The following CFAP58 variants were observed in gnomAD, a reference collection of about 807,000 sequenced individuals.
The protein encoded by CFAP58 is cilia- and flagella-associated protein 58.
A neutral mutation model predicts 119.5 loss-of-function variants in CFAP58; 88 were observed. That is an observed-to-expected ratio of 0.74 (90% CI 0.62 to 0.88). CFAP58 has a LOEUF of 0.88. CFAP58 is among the 40% of genes least tolerant of loss of function. CFAP58 has a pLI of 0.00. For synonymous variants in CFAP58, 365 were observed against 366.3 expected, an observed-to-expected ratio of 1.00 and a Z score of 0.04; for missense variants, 990 against 1,021.2, an observed-to-expected ratio of 0.97 and a Z score of 0.42.
At chr10:104,443,456 A>C (rs2013070149) in intron 15 of CFAP58, among the ~76,000 whole-genome samples, 1 of 152,176 alleles carries the variant, frequency 6.6e-6, no homozygotes, top group Non-Finnish European at 1.5e-5. Flanking sequence ...TCACAGAGTG[A>C]GGTGATTCTT....
chr10:104,426,433 C>A (rs2012746909), intron 15 of CFAP58, among the ~76,000 whole-genome samples: 4 of 151,916 alleles, frequency 2.6e-5, no homozygotes, highest in African/African-American at 9.7e-5. Flanking sequence ...CTCCTTCCCC[C>A]CGCCGCCTTC....
At chr10:104,421,639 A>T (rs753304138) in intron 15 of CFAP58, among the ~76,000 whole-genome samples, 33 of 152,234 alleles carry the variant, frequency 2.2e-4, no homozygotes, top group Admixed American at 1.3e-3. Context: ...GGTGGTATCC[A>T]TAGTGATTAG....
chr10:104,407,330 A>G lies in CFAP58; in HGVS notation c.2256+537A>G, dbSNP rs1387329751. ...CCTCACTGCCATCATCATCATCATC[A>G]TCATCACTTACTGCATGCCAGATAT... is the stretch of plus-strand genomic sequence containing the variant. On this transcript the variant is annotated intron_variant, in intron 15 of 17. Transcript: ENST00000369704. 4.6e-5 allele frequency among the ~76,000 whole-genome samples: 7 copies of G among 152,180 alleles called. No individual in the cohort carries two copies. The East Asian group carries it at 1.3e-3, about 29-fold the overall frequency.
At position 104,447,688 on chromosome 10, in the gene CFAP58, T is replaced by C; in HGVS notation, c.2257-10T>C. On this transcript the variant is annotated splice_polypyrimidine_tract_variant and intron_variant, in intron 15 of 17. Transcript: ENST00000369704. ...TGTTTATCTCTGCTCCTGGTTCTGC[T>C]CTCCACTAGGAAAAGGAGAAACTCT... The C allele has an allele frequency of 2.5e-6, 4 of 1,613,534 alleles. No homozygotes were observed. The highest frequency in any genetic ancestry group is 3.4e-6 in the Non-Finnish European group (4 of 1,179,760).
chr10:104,353,821 A>G, upstream of CFAP58: 1 of 1,550,000 alleles, frequency 6.5e-7, no homozygotes, highest in Non-Finnish European at 8.8e-7. Flanking sequence ...TCGCGCCTTT[A>G]GCTTCTTTCC....
intron 15 of CFAP58, among the ~76,000 whole-genome samples, chr10:104,440,023 C>T (rs1000416562): frequency 3.9e-5 from 6 of 152,122 alleles, no homozygotes; most frequent in Admixed American, 3.9e-4. Flanking sequence ...GGGGTTTCAC[C>T]GTGTTAGCCA....
At chr10:104,340,313 T>A in the CFAP58 span, among the ~76,000 whole-genome samples, 18 of 152,200 alleles carry the variant, frequency 1.2e-4, no homozygotes, top group African/African-American at 3.9e-4. Flanking sequence ...TTGCATGATA[T>A]GCTTTTTCTC....
At position 104,365,891 on chromosome 10, in the gene CFAP58, C is replaced by G; in HGVS notation, c.675C>G (p.Leu225=). Residue 225 remains leucine (L), a synonymous_variant, in exon 5 of 18, where the codon CTC becomes CTG. Transcript: ENST00000369704. The stretch of plus-strand genomic sequence containing the variant: ...AGAAGGAAAAACTAGAGAAAGAGCT[C>G]AAGCAGATTCAGGCAGACATGGACA... The part of the protein sequence containing the change: ...FRKKEKLEKE[L]KQIQADMDSR... 1 of 1,613,404 alleles carries G rather than the reference C, an allele frequency of 6.2e-7. No homozygotes were observed. The highest frequency in any genetic ancestry group is 8.5e-7 in the Non-Finnish European group (1 of 1,179,750).
In CFAP58 at chr10:104,364,837, A is replaced by G. The variant is rs747114499; in HGVS notation, c.545A>G (p.Gln182Arg). 6.2e-7 allele frequency: 1 copy of G among 1,612,552 alleles called. No individual in the cohort carries two copies. Among genetic ancestry groups the G allele is most frequent in the East Asian group, 2.2e-5 (1 of 44,724 alleles). The change falls in exon 4 of 18, where the codon CAG becomes CGG. Residue 182 changes from glutamine (Q) to arginine (R), a missense_variant. Coordinates refer to ENST00000369704, the MANE Select transcript of CFAP58 (RefSeq NM_001008723.2). ...LRESLAQTTE[Q>R]QQETERSKEE... ...GAATCCCTAGCTCAGACCACTGAACAGCAGCAGGAAACAGAGCGATCAAAA... is the reference window on the plus strand; with the variant it reads ...GAATCCCTAGCTCAGACCACTGAACGGCAGCAGGAAACAGAGCGATCAAAA...
At position 104,417,617 on chromosome 10, in the gene CFAP58, G is replaced by A. The variant is rs911135690; in HGVS notation, c.2256+10824G>A. 2.6e-5 allele frequency among the ~76,000 whole-genome samples: 4 copies of A among 152,214 alleles called. No individual in the cohort carries two copies. The East Asian group carries it at 7.7e-4, about 29-fold the overall frequency. ...CAATCCTTGGTCCTGTTTGATGGTA[G>A]CACAGATAGATTTGGTGGAAGCTAC... is the stretch of plus-strand genomic sequence containing the variant. On this transcript the variant is annotated intron_variant, in intron 15 of 17. Coordinates refer to ENST00000369704, the MANE Select transcript of CFAP58 (RefSeq NM_001008723.2).
intron 15 of CFAP58, among the ~76,000 whole-genome samples, chr10:104,411,049 C>T (rs1194466859): frequency 6.6e-6 from 1 of 152,134 alleles, no homozygotes; most frequent in Non-Finnish European, 1.5e-5. Context: ...AAGCGATTCT[C>T]CTGCCTCAGC....
intron 2 of CFAP58, among the ~76,000 whole-genome samples, chr10:104,360,380 G>C (rs1454133882): frequency 6.6e-6 from 1 of 151,966 alleles, no homozygotes; most frequent in Non-Finnish European, 1.5e-5. Context: ...CTTCTTGGGA[G>C]GCCTCAGGAA....
chr10:104,357,849 A>G (rs1457386480), intron 1 of CFAP58, among the ~76,000 whole-genome samples: 1 of 42,608 alleles, frequency 2.3e-5, no homozygotes, highest in African/African-American at 9.8e-5. Context: ...ACATATGTAC[A>G]CATATATACA....
Position 104,392,296 on chromosome 10 carries a change from A to G in CFAP58, c.1429A>G (p.Ile477Val), listed in dbSNP as rs1564889515. Residue 477 changes from isoleucine (I) to valine (V), a missense_variant, in exon 10 of 18, where the codon ATA becomes GTA. Physicochemically the swap from Ile to Val is conservative, Grantham distance 29 (BLOSUM62 3). Coordinates refer to ENST00000369704, the MANE Select transcript of CFAP58 (RefSeq NM_001008723.2). Reference protein sequence around the residue: ...ETQIFDYRKKIAESEIKLKQQ... With the variant: ...ETQIFDYRKKVAESEIKLKQQ... ...ACAGATTTTTGACTACAGGAAAAAA[A>G]TAGCTGAATCAGAGATTAAATTAAA... 3 of 1,613,294 alleles carry G rather than the reference A, an allele frequency of 1.9e-6. No homozygotes were observed. The highest frequency in any genetic ancestry group is 2.2e-5 in the East Asian group (1 of 44,836).
chr10:104,380,620 A>T lies in CFAP58; in HGVS notation c.1365+400A>T, dbSNP rs146421409. Among the ~76,000 whole-genome samples the T allele has an allele frequency of 5.3e-5, 8 of 152,268 alleles. No homozygotes were observed. The East Asian group carries it at 1.5e-3, about 29-fold the overall frequency. On this transcript the variant is annotated intron_variant, in intron 9 of 17. Coordinates refer to ENST00000369704, the MANE Select transcript of CFAP58 (RefSeq NM_001008723.2). Reference sequence around the variant, plus strand: ...CCCTCAGGGAAAGGACTCCAACTTGATGTTAGGAGAAAAGCATCTAATTAA... The same window carrying T: ...CCCTCAGGGAAAGGACTCCAACTTGTTGTTAGGAGAAAAGCATCTAATTAA...
At chr10:104,431,346 A>G (rs1036160165) in intron 15 of CFAP58, among the ~76,000 whole-genome samples, 4 of 152,238 alleles carry the variant, frequency 2.6e-5, no homozygotes, top group African/African-American at 7.2e-5. Flanking sequence ...TAAAGTACAT[A>G]CAAGAAACAT....
At chr10:104,357,870 C>T (rs1268049067) in intron 1 of CFAP58, among the ~76,000 whole-genome samples, 1 of 124,514 alleles carries the variant, frequency 8.0e-6, no homozygotes, top group South Asian at 2.4e-4. Flanking sequence ...CATATATACA[C>T]ATATATGTAC....
intron 12 of CFAP58, among the ~76,000 whole-genome samples, chr10:104,400,367 G>A (rs1442400709): frequency 2.0e-5 from 3 of 152,050 alleles, no homozygotes; most frequent in Admixed American, 6.6e-5. Flanking sequence ...GGCTGCTCGC[G>A]AACTCCTGGC....
At chr10:104,382,161 A>G (rs2011824670) in intron 9 of CFAP58, 2 of 717,186 alleles carry the variant, frequency 2.8e-6, no homozygotes, top group East Asian at 2.7e-5. Context: ...CTCTGGACAA[A>G]GGGAAATGGT....
Sources: gnomAD v4.1 joint callset for allele counts (sites outside exome capture counted in the v4.1 genomes callset) on GRCh38, gnomAD v4.1.1 for gene constraint, MANE v1.5 for transcripts, NCBI Gene and HGNC (gene_info 2026-07-23, HGNC 2026-07-21) for gene names.